The following GRID2 variants were observed in gnomAD, a reference collection of about 807,000 sequenced individuals.
The protein encoded by GRID2 is glutamate receptor ionotropic, delta-2.
In GRID2, 33 loss-of-function variants were observed where a neutral mutation model predicts 114.8. The ratio of observed to expected loss-of-function variants is 0.29; its 90% CI spans 0.22 to 0.38. The LOEUF is 0.38. Ranked by LOEUF, GRID2 falls within the 10% of genes least tolerant of loss-of-function variation. The pLI is 1.00. For synonymous variants in GRID2, 505 were observed against 449.9 expected (o/e 1.12, Z -1.55); for missense variants, 1,184 against 1,257.7 (o/e 0.94, Z 0.89).
intron 2 of GRID2, among the ~76,000 whole-genome samples, chr4:92,893,111 G>A (rs1746903515): frequency 6.6e-6 from 1 of 151,998 alleles, no homozygotes; most frequent in African/African-American, 2.4e-5. Context: ...TTTTGTCAAG[G>A]TAACATAAAG....
chr4:93,413,061 G>A (rs968899018), intron 9 of GRID2, among the ~76,000 whole-genome samples: 1 of 152,156 alleles, frequency 6.6e-6, no homozygotes, highest in African/African-American at 2.4e-5. Flanking sequence ...AAACATCTGT[G>A]TGTATGTGTC....
intron 4 of GRID2, among the ~76,000 whole-genome samples, chr4:93,197,639 A>G (rs914471939): frequency 6.6e-6 from 1 of 152,154 alleles, no homozygotes; most frequent in Non-Finnish European, 1.5e-5. Flanking sequence ...TGATTTTTGA[A>G]CACATGTAAT....
At chr4:92,323,756 T>G (rs1477015659) in intron 1 of GRID2, among the ~76,000 whole-genome samples, 1 of 152,008 alleles carries the variant, frequency 6.6e-6, no homozygotes, top group African/African-American at 2.4e-5. Flanking sequence ...TCACTTTCCT[T>G]TAGAAATTAC....
chr4:92,877,402 T>A (rs2149452938), intron 2 of GRID2, among the ~76,000 whole-genome samples: 1 of 152,338 alleles, frequency 6.6e-6, no homozygotes, highest in Non-Finnish European at 1.5e-5. Flanking sequence ...CTTGATTGTA[T>A]GTGTGGAGCA....
intron 8 of GRID2, among the ~76,000 whole-genome samples, chr4:93,264,345 G>C (rs1750567838): frequency 6.6e-6 from 1 of 152,032 alleles, no homozygotes; most frequent in Admixed American, 6.6e-5. Context: ...TTAAATTATA[G>C]TATGAGTTTT....
intron 4 of GRID2, among the ~76,000 whole-genome samples, chr4:93,184,946 A>G (rs1740266665): frequency 6.6e-6 from 1 of 152,158 alleles, no homozygotes; most frequent in African/African-American, 2.4e-5. Flanking sequence ...TAGTTACTAT[A>G]ATGTGCCTGA....
chr4:93,397,157 A>G (rs1765409103), intron 9 of GRID2, among the ~76,000 whole-genome samples: 1 of 151,998 alleles, frequency 6.6e-6, no homozygotes, highest in South Asian at 2.1e-4. Flanking sequence ...GGATTTGTGC[A>G]TATTTTCTAT....
intron 13 of GRID2, among the ~76,000 whole-genome samples, chr4:93,577,833 C>T (rs962451997): frequency 6.6e-6 from 1 of 152,162 alleles, no homozygotes; most frequent in Admixed American, 6.5e-5. Flanking sequence ...TATTAGGAAG[C>T]AAATTTGCAT....
chr4:92,719,814 G>C (rs1260875055), intron 2 of GRID2, among the ~76,000 whole-genome samples: 2 of 152,116 alleles, frequency 1.3e-5, no homozygotes, highest in Non-Finnish European at 2.9e-5. Flanking sequence ...TGTTTGTAGA[G>C]AACTTTCAGT....
chr4:93,050,017 A>G (rs545668020), intron 2 of GRID2, among the ~76,000 whole-genome samples: 1 of 152,112 alleles, frequency 6.6e-6, no homozygotes, highest in Non-Finnish European at 1.5e-5. Flanking sequence ...TGAAGGTACA[A>G]TGCATGATTT....
At chr4:93,715,049 T>C (rs1728792812) in intron 14 of GRID2, among the ~76,000 whole-genome samples, 1 of 152,144 alleles carries the variant, frequency 6.6e-6, no homozygotes, top group Non-Finnish European at 1.5e-5. Context: ...TCTTCTAGAG[T>C]TTTTATAGTT....
intron 14 of GRID2, among the ~76,000 whole-genome samples, chr4:93,677,307 C>G (rs2110080019): frequency 6.6e-6 from 1 of 151,586 alleles, no homozygotes; most frequent in South Asian, 2.1e-4. Flanking sequence ...CACCACAGCT[C>G]AAGGAGGCCT....
chr4:93,608,004 A>G (rs961837787), intron 13 of GRID2, among the ~76,000 whole-genome samples: 2 of 151,090 alleles, frequency 1.3e-5, no homozygotes, highest in African/African-American at 4.8e-5. Flanking sequence ...ATACAAAGCT[A>G]CTTTTAAATG....
intron 3 of GRID2, among the ~76,000 whole-genome samples, chr4:93,098,989 CTGTGTGTGTGTGTG>C (rs71579585): frequency 1.7e-4 from 24 of 138,908 alleles, no homozygotes; most frequent in African/African-American, 4.8e-4. Context: ...AGATCATTTC[CTGTGTGTGTGTGTG>C]TGTGTGTGTG....
At chr4:92,395,890 T>G (rs1730469183) in intron 1 of GRID2, among the ~76,000 whole-genome samples, 1 of 151,862 alleles carries the variant, frequency 6.6e-6, no homozygotes, top group Non-Finnish European at 1.5e-5. Flanking sequence ...TCTGCATCTT[T>G]GATTATTTAT....
At position 92,738,110 on chromosome 4, in the gene GRID2, C is replaced by T. The variant is rs925646223; in HGVS notation, c.244+147824C>T. Among the ~76,000 whole-genome samples, 41 of 152,082 alleles carry T rather than the reference C, an allele frequency of 2.7e-4. 3 individuals carry two copies. The highest frequency in any genetic ancestry group is 2.2e-3 in the Admixed American group (34 of 15,248). On this transcript the variant is annotated intron_variant, in intron 2 of 15. Coordinates refer to ENST00000282020, the MANE Select transcript of GRID2 (RefSeq NM_001510.4). ...AAAAGTTTCCTGACTTTTTAATGAT[C>T]GCCCTTCTAACTGGTGTGAGATGGT... is the stretch of plus-strand genomic sequence containing the variant.
chr4:92,879,164 T>C (rs1745829780), intron 2 of GRID2, among the ~76,000 whole-genome samples: 1 of 152,186 alleles, frequency 6.6e-6, no homozygotes. Flanking sequence ...TATGGTGATT[T>C]TATTTTCAAA....
intron 13 of GRID2, among the ~76,000 whole-genome samples, chr4:93,620,293 G>GT (rs1199484800): frequency 1.3e-5 from 2 of 152,150 alleles, no homozygotes; most frequent in Non-Finnish European, 2.9e-5. Context: ...CCCACTGAAT[G>GT]TTTTTTAATA....
At chr4:93,711,047 G>A (rs1728435863) in intron 14 of GRID2, among the ~76,000 whole-genome samples, 1 of 151,782 alleles carries the variant, frequency 6.6e-6, no homozygotes, top group African/African-American at 2.4e-5. Context: ...TGGAATCAGG[G>A]ATTTAGTGCT....
Sources: gnomAD v4.1 joint callset for allele counts (sites outside exome capture counted in the v4.1 genomes callset) on GRCh38, gnomAD v4.1.1 for gene constraint, MANE v1.5 for transcripts, NCBI Gene and HGNC (gene_info 2026-07-23, HGNC 2026-07-21) for gene names.